Variants in TOX observed in about 807,000 individuals in gnomAD.
The protein encoded by TOX is thymocyte selection associated high mobility group box.
A neutral mutation model predicts 53.7 loss-of-function variants in TOX; 11 were observed. The observed-to-expected ratio is 0.20, with a 90% CI of 0.13 to 0.34. The LOEUF is 0.34. TOX is among the 10% of genes least tolerant of loss of function. The pLI is 1.00. For missense variants in TOX, 570 were observed against 664.6 expected, an observed-to-expected ratio of 0.86 and a Z score of 1.56; for synonymous variants, 225 against 245.3, an observed-to-expected ratio of 0.92 and a Z score of 0.77.
At chr8:59,115,184 G>A (rs756772572) in intron 1 of TOX, among the ~76,000 whole-genome samples, 1 of 151,986 alleles carries the variant, frequency 6.6e-6, no homozygotes, top group Non-Finnish European at 1.5e-5. Flanking sequence ...GAACAGTGAA[G>A]CCCATTATTT....
intron 6 of TOX, among the ~76,000 whole-genome samples, chr8:58,822,900 G>A (rs571993319): frequency 6.6e-6 from 1 of 152,316 alleles, no homozygotes; most frequent in East Asian, 1.9e-4. Flanking sequence ...TACTCTCTCT[G>A]CCTAGAGACT....
At chr8:58,942,014 C>T (rs989667221) in intron 2 of TOX, among the ~76,000 whole-genome samples, 18 of 141,086 alleles carry the variant, frequency 1.3e-4, no homozygotes, top group East Asian at 2.1e-4. Context: ...GAGCGTGCCA[C>T]GACACTCCAG....
chr8:58,822,504 G>A (rs150719212), intron 6 of TOX, among the ~76,000 whole-genome samples: 12 of 152,312 alleles, frequency 7.9e-5, no homozygotes, highest in East Asian at 3.9e-4. Flanking sequence ...GACCAGAGCC[G>A]GGCAGTTTTG....
At chr8:59,065,996 G>C (rs1804087052) in intron 1 of TOX, among the ~76,000 whole-genome samples, 1 of 152,130 alleles carries the variant, frequency 6.6e-6, no homozygotes, top group African/African-American at 2.4e-5. Context: ...CCTCCAAATA[G>C]ACAAAAGATG....
chr8:58,882,602 C>G (rs1227269194), intron 3 of TOX, among the ~76,000 whole-genome samples: 11 of 152,168 alleles, frequency 7.2e-5, no homozygotes, highest in Admixed American at 7.2e-4. Context: ...AATTGACCCA[C>G]TTTCTTTAAG....
rs1812223775 is a variant in TOX at position 58,929,496 on chromosome 8, ATG to A, written c.411+9804_411+9805del. 2.0e-5 allele frequency among the ~76,000 whole-genome samples: 3 copies of A among 152,074 alleles called. No homozygotes were observed. The South Asian group carries it at 6.2e-4, about 31-fold the overall frequency. On this transcript the variant is annotated intron_variant, in intron 3 of 8. Coordinates refer to ENST00000361421, the MANE Select transcript of TOX (RefSeq NM_014729.3). Reference sequence around the variant, plus strand: ...ACTTTCAAACTAGAAAAAAACTAAAATGAAAAAAAAATCTAAAACCAAAACCT... The same window carrying A: ...ACTTTCAAACTAGAAAAAAACTAAAAAAAAAAAAATCTAAAACCAAAACCT...
intron 1 of TOX, among the ~76,000 whole-genome samples, chr8:59,043,485 A>G (rs1212712616): frequency 6.6e-6 from 1 of 152,150 alleles, no homozygotes; most frequent in East Asian, 1.9e-4. Flanking sequence ...CTATTGAGTA[A>G]CAGACTGACT....
At chr8:59,076,213 A>C (rs1196692485) in intron 1 of TOX, among the ~76,000 whole-genome samples, 2 of 152,230 alleles carry the variant, frequency 1.3e-5, no homozygotes, top group Non-Finnish European at 2.9e-5. Context: ...TGAGACGGTA[A>C]GATAGGGTTG....
intron 4 of TOX, among the ~76,000 whole-genome samples, chr8:58,843,415 C>T (rs994475469): frequency 1.3e-5 from 2 of 152,214 alleles, no homozygotes; most frequent in Admixed American, 1.3e-4. Flanking sequence ...TAATCTAAGA[C>T]AATGCCCTGA....
At chr8:58,970,255 CCTCT>C (rs1812979079) in intron 1 of TOX, among the ~76,000 whole-genome samples, 1 of 152,110 alleles carries the variant, frequency 6.6e-6, no homozygotes, top group African/African-American at 2.4e-5. Context: ...TCTGCATCTA[CCTCT>C]CTATTTTCTC....
chr8:58,934,170 T>C (rs994779534), intron 3 of TOX, among the ~76,000 whole-genome samples: 1 of 152,216 alleles, frequency 6.6e-6, no homozygotes, highest in African/African-American at 2.4e-5. Flanking sequence ...ATAGAAATTC[T>C]ACCCTGTTTT....
rs1586030949 is a variant in TOX at position 59,118,746 on chromosome 8, C to A, written c.102+140G>T. ...CCACAATATTTACTACCCAAGCGCA[C>A]GCAGGCTGCAGCGGGCTGCGAGCCG... On this transcript the variant is annotated intron_variant, in intron 1 of 8. Transcript: ENST00000361421. The surrounding 1 kb of genome is among the most constrained non-coding windows in gnomAD (Gnocchi z 4.1). 4.4e-6 allele frequency: 2 copies of A among 458,968 alleles called. No homozygotes were observed. 28.4% of individuals were successfully genotyped at this position (458,968 alleles called of 1,614,324 possible).
At chr8:58,999,564 A>G (rs1056498616) in intron 1 of TOX, among the ~76,000 whole-genome samples, 6 of 152,182 alleles carry the variant, frequency 3.9e-5, no homozygotes, top group Non-Finnish European at 4.4e-5. Flanking sequence ...ATATTTTGAT[A>G]TGAAATATGA....
At chr8:58,843,879 T>C (rs144902756) in intron 4 of TOX, among the ~76,000 whole-genome samples, 183 of 152,316 alleles carry the variant, frequency 1.2e-3, no homozygotes, top group African/African-American at 4.2e-3. Flanking sequence ...AAAGCCTCCT[T>C]GAAGACAGAA....
chr8:58,963,800 C>G (rs1322955497), intron 1 of TOX, among the ~76,000 whole-genome samples: 1 of 152,182 alleles, frequency 6.6e-6, no homozygotes, highest in Non-Finnish European at 1.5e-5. Flanking sequence ...AGACTGGGAG[C>G]CACCAGAGGG....
At chr8:59,101,257 A>C (rs1804803112) in intron 1 of TOX, among the ~76,000 whole-genome samples, 1 of 152,174 alleles carries the variant, frequency 6.6e-6, no homozygotes, top group Non-Finnish European at 1.5e-5. Flanking sequence ...TTACCTCTGT[A>C]AGTACACAGA....
chr8:59,068,763 G>C (rs1354884533), intron 1 of TOX, among the ~76,000 whole-genome samples: 1 of 152,152 alleles, frequency 6.6e-6, no homozygotes, highest in South Asian at 2.1e-4. Context: ...GTTGATTGTG[G>C]AGCCTAGGTT....
Position 58,805,573 on chromosome 8 carries a change from G to A in TOX, c.*2174C>T, listed in dbSNP as rs999762991. The A allele has an allele frequency of 2.0e-5, 3 of 152,560 alleles. No individual in the cohort carries two copies. Among genetic ancestry groups the A allele is most frequent in the Non-Finnish European group, 2.9e-5 (2 of 68,046 alleles). The allele number at this position is 152,560 out of a possible 1,614,324, so 9.5% of individuals were successfully genotyped here. A position where few individuals can be genotyped will look rare whatever the true frequency, so the allele number is the denominator to read the frequency against. On this transcript the variant is annotated 3_prime_UTR_variant, in exon 9 of 9. Transcript: ENST00000361421. ...GGCACTGTGCTTTCCTGCACAAACC[G>A]CCTGTCAAAGTCAAAGCTGCTCATT...
At chr8:58,983,094 T>C (rs1372611787) in intron 1 of TOX, among the ~76,000 whole-genome samples, 1 of 152,242 alleles carries the variant, frequency 6.6e-6, no homozygotes, top group East Asian at 1.9e-4. Flanking sequence ...AAATTCTCCA[T>C]TAGTATTACT....
Sources: allele counts gnomAD v4.1 joint callset (sites outside exome capture counted in the v4.1 genomes callset), GRCh38; gene constraint gnomAD v4.1.1; non-coding constraint Gnocchi (gnomAD v3.1); transcripts MANE v1.5; gene names NCBI Gene and HGNC (gene_info 2026-07-23, HGNC 2026-07-21).